Variants in PEBP4 observed in about 807,000 individuals in gnomAD.
The protein encoded by PEBP4 is phosphatidylethanolamine-binding protein 4.
In PEBP4, 22 loss-of-function variants were observed where a neutral mutation model predicts 23.9. The observed-to-expected ratio is 0.92, with a 90% CI of 0.66 to 1.31. The LOEUF (loss-of-function observed/expected upper bound fraction) is 1.31, where lower values mean the gene tolerates loss of function less well. PEBP4 is among the 40% of genes most tolerant of loss of function. The pLI is 0.00. For synonymous variants in PEBP4, 112 were observed against 99.3 expected, an observed-to-expected ratio of 1.13 and a Z score of -0.76; for missense variants, 324 against 281.7, an observed-to-expected ratio of 1.15 and a Z score of -1.07.
intron 3 of PEBP4, among the ~76,000 whole-genome samples, chr8:22,916,340 A>G (rs1809071020): frequency 6.6e-6 from 1 of 152,174 alleles, no homozygotes; most frequent in African/African-American, 2.4e-5. Flanking sequence ...CATGTTTGTC[A>G]GAGCGCCAGG....
At chr8:22,821,149 T>G (rs1019140400) in intron 3 of PEBP4, among the ~76,000 whole-genome samples, 1 of 152,172 alleles carries the variant, frequency 6.6e-6, no homozygotes, top group Non-Finnish European at 1.5e-5. Flanking sequence ...ACTGCACCAC[T>G]GTACTCCAGC....
chr8:22,803,883 C>G (rs940379427), intron 4 of PEBP4, among the ~76,000 whole-genome samples: 5 of 152,206 alleles, frequency 3.3e-5, no homozygotes, highest in African/African-American at 1.2e-4. Context: ...CCTGTTGGCT[C>G]TCAACCTCAC....
At chr8:22,861,925 C>T (rs9644059) in intron 3 of PEBP4, among the ~76,000 whole-genome samples, 79,099 of 151,962 alleles carry the variant, frequency 0.52, 23,876 homozygotes, top group South Asian at 0.72. Context: ...AGAGTTTGAG[C>T]GGCATACTGG....
chr8:22,795,143 G>GTGTATA (rs1268855798), intron 4 of PEBP4, among the ~76,000 whole-genome samples: 2 of 49,926 alleles, frequency 4.0e-5, no homozygotes, highest in Admixed American at 3.0e-4. Context: ...ATGTGTGTGT[G>GTGTATA]TATATATATA....
At chr8:22,723,978 G>A (rs904923676) in intron 6 of PEBP4, among the ~76,000 whole-genome samples, 2 of 152,226 alleles carry the variant, frequency 1.3e-5, no homozygotes. Flanking sequence ...AATGGCTGAC[G>A]ACACCCACCC....
rs574453032 is a variant in PEBP4, at chr8:22,860,313, T to C, written c.259-42578A>G. 2.0e-5 allele frequency among the ~76,000 whole-genome samples: 3 copies of C among 151,728 alleles called. No homozygotes were observed. In the South Asian group the frequency reaches 6.2e-4, roughly 32 times the overall value. On this transcript the variant is annotated intron_variant, in intron 3 of 6. Coordinates refer to ENST00000256404, the MANE Select transcript of PEBP4 (RefSeq NM_144962.3). The stretch of plus-strand genomic sequence containing the variant: ...TCGGTAGTCTTAAGGACATTCACGT[T>C]GATATGCAACTGATCTCCAGAATGC...
At chr8:22,822,560 G>A (rs1479951443) in intron 3 of PEBP4, among the ~76,000 whole-genome samples, 1 of 151,702 alleles carries the variant, frequency 6.6e-6, no homozygotes, top group Non-Finnish European at 1.5e-5. Flanking sequence ...TTTTGCAAAT[G>A]ACATGATTGT....
chr8:22,814,735 T>C (rs1003371687), intron 4 of PEBP4, among the ~76,000 whole-genome samples: 5 of 152,202 alleles, frequency 3.3e-5, no homozygotes, highest in African/African-American at 4.8e-5. Context: ...CTAAGGCTGC[T>C]TGGGTAATGA....
At chr8:22,934,805 C>T (rs778304189) in intron 1 of PEBP4, among the ~76,000 whole-genome samples, 16 of 152,090 alleles carry the variant, frequency 1.1e-4, no homozygotes, top group East Asian at 1.9e-4. Flanking sequence ...GGGTTCAATG[C>T]CTCAGTCAAA....
chr8:22,738,892 C>T (rs1200276378), intron 4 of PEBP4, among the ~76,000 whole-genome samples: 2 of 152,218 alleles, frequency 1.3e-5, no homozygotes, highest in Non-Finnish European at 2.9e-5. Flanking sequence ...TACTCACGCA[C>T]TCCTCTCCTA....
At chr8:22,761,104 C>T (rs984416344) in intron 4 of PEBP4, among the ~76,000 whole-genome samples, 2 of 151,988 alleles carry the variant, frequency 1.3e-5, no homozygotes, top group African/African-American at 4.8e-5. Context: ...GGAGGTGGGA[C>T]CCTGCCAGGC....
intron 3 of PEBP4, among the ~76,000 whole-genome samples, chr8:22,894,170 A>G (rs1412487729): frequency 6.7e-6 from 1 of 149,336 alleles, no homozygotes. Context: ...GCGGAATTGC[A>G]CGATAGATTA....
rs1229250073 is a variant in PEBP4 at position 22,925,457 on chromosome 8, C to A, written c.131+2127G>T. 6 of 465,436 alleles carry A rather than the reference C, an allele frequency of 1.3e-5. No individual in the cohort carries two copies. The East Asian group carries it at 7.8e-4, about 60-fold the overall frequency. 28.8% of individuals were successfully genotyped at this position (465,436 alleles called of 1,614,324 possible). On this transcript the variant is annotated intron_variant, in intron 2 of 6. Coordinates refer to ENST00000256404, the MANE Select transcript of PEBP4 (RefSeq NM_144962.3). ...AAACACTGTGGGCAGATTTCTTAAT[C>A]TCTGGGGATTCTTCATCTGCAGAAT...
intron 4 of PEBP4, among the ~76,000 whole-genome samples, chr8:22,782,067 T>C (rs1049204095): frequency 3.3e-5 from 5 of 152,212 alleles, no homozygotes; most frequent in African/African-American, 9.6e-5. Context: ...TTTCTCACTA[T>C]TGCTTGTGTC....
At chr8:22,816,842 G>C (rs1806751076) in intron 4 of PEBP4, among the ~76,000 whole-genome samples, 1 of 152,176 alleles carries the variant, frequency 6.6e-6, no homozygotes. Context: ...GCACTGCCAG[G>C]CACTCATGAA....
intron 5 of PEBP4, among the ~76,000 whole-genome samples, chr8:22,725,462 G>T (rs986010200): frequency 6.6e-6 from 1 of 151,746 alleles, no homozygotes; most frequent in Admixed American, 6.6e-5. Context: ...GGGTTCAAAG[G>T]TTTGATCATG....
chr8:22,887,553 C>T (rs60839773), intron 3 of PEBP4: 1 of 140 alleles, frequency 7.1e-3, no homozygotes, highest in Non-Finnish European at 9.3e-3. Flanking sequence ...ATTCCTTGAG[C>T]CCAGGAGTTG....
chr8:22,859,043 C>T (rs1364562502), intron 3 of PEBP4, among the ~76,000 whole-genome samples: 1 of 152,188 alleles, frequency 6.6e-6, no homozygotes, highest in East Asian at 1.9e-4. Flanking sequence ...CACGGGTGTC[C>T]CCATAATACC....
At chr8:22,792,133 A>G (rs1806153072) in intron 4 of PEBP4, among the ~76,000 whole-genome samples, 1 of 152,022 alleles carries the variant, frequency 6.6e-6, no homozygotes, top group South Asian at 2.1e-4. Flanking sequence ...TGCTGGGATT[A>G]CAGGGATAAG....
Sources: gnomAD v4.1 joint callset for allele counts (sites outside exome capture counted in the v4.1 genomes callset) on GRCh38, gnomAD v4.1.1 for gene constraint, MANE v1.5 for transcripts, NCBI Gene and HGNC (gene_info 2026-07-23, HGNC 2026-07-21) for gene names.